Variants in GNG2 observed in about 807,000 individuals in gnomAD.
GNG2 encodes the protein guanine nucleotide-binding protein G(I)/G(S)/G(O) subunit gamma-2.
A neutral mutation model predicts 5.5 loss-of-function variants in GNG2; 5 were observed. The observed-to-expected ratio is 0.91, with a 90% confidence interval of 0.48 to 1.92. GNG2 has a LOEUF of 1.92. Among genes scored for constraint, GNG2 ranks in the 30% most tolerant of loss-of-function variants. The pLI is 0.01. For missense variants in GNG2, 55 were observed against 88.4 expected (o/e 0.62, Z 1.52); for synonymous variants, 28 against 32.0 (o/e 0.88, Z 0.42).
chr14:51,872,736 G>A (rs1883393975), intron 1 of GNG2, among the ~76,000 whole-genome samples: 1 of 152,090 alleles, frequency 6.6e-6, no homozygotes, highest in Admixed American at 6.5e-5. Context: ...GTACATAGAA[G>A]GTCTAAAATG....
At chr14:51,898,841 A>G (rs1296555098) in intron 2 of GNG2, among the ~76,000 whole-genome samples, 1 of 152,178 alleles carries the variant, frequency 6.6e-6, no homozygotes, top group Non-Finnish European at 1.5e-5. Flanking sequence ...TTCTCCCTTC[A>G]GTGCTCCTAC....
intron 2 of GNG2, among the ~76,000 whole-genome samples, chr14:51,903,972 T>C (rs1465503085): frequency 6.6e-6 from 1 of 152,212 alleles, no homozygotes; most frequent in African/African-American, 2.4e-5. Context: ...GTCAGCAGCT[T>C]TGGTGAACTT....
chr14:51,908,575 G>A (rs371999055), intron 2 of GNG2, among the ~76,000 whole-genome samples: 1 of 141,720 alleles, frequency 7.1e-6, no homozygotes, highest in Non-Finnish European at 1.6e-5. Flanking sequence ...TATATATAGA[G>A]AGAGAGAGAG....
chr14:51,838,379 G>T (rs560630502), intron 2 of GNG2, among the ~76,000 whole-genome samples: 2 of 152,164 alleles, frequency 1.3e-5, no homozygotes, highest in East Asian at 1.9e-4. Flanking sequence ...AGGAGGCAAA[G>T]GTTGCAATGA....
intron 1 of GNG2, among the ~76,000 whole-genome samples, chr14:51,873,394 AG>A (rs1566656803): frequency 6.6e-6 from 1 of 152,204 alleles, no homozygotes; most frequent in Admixed American, 6.5e-5. Flanking sequence ...CAAAAGCAAG[AG>A]GGGGAGAGAA....
At chr14:51,886,268 C>A (rs1209555471) in intron 2 of GNG2, among the ~76,000 whole-genome samples, 1 of 152,200 alleles carries the variant, frequency 6.6e-6, no homozygotes, top group Non-Finnish European at 1.5e-5. Flanking sequence ...TCACTGTTCT[C>A]ATAAGTTCTG....
At chr14:51,833,431 ACC>A (rs1881249878) in intron 2 of GNG2, among the ~76,000 whole-genome samples, 1 of 152,128 alleles carries the variant, frequency 6.6e-6, no homozygotes, top group Non-Finnish European at 1.5e-5. Context: ...GTTCTTGGCA[ACC>A]CATTATCTTT....
intron 2 of GNG2, among the ~76,000 whole-genome samples, chr14:51,907,037 G>A (rs1212325284): frequency 6.6e-6 from 1 of 152,148 alleles, no homozygotes; most frequent in African/African-American, 2.4e-5. Flanking sequence ...TTACAGGCAT[G>A]AGCCACCGTG....
intron 2 of GNG2, among the ~76,000 whole-genome samples, chr14:51,896,628 T>C (rs1885209358): frequency 1.3e-5 from 2 of 152,222 alleles, no homozygotes; most frequent in African/African-American, 4.8e-5. Context: ...GTGACTTGTG[T>C]TTGTATGTGT....
chr14:51,894,895 T>C (rs2140167608), intron 2 of GNG2, among the ~76,000 whole-genome samples: 1 of 152,246 alleles, frequency 6.6e-6, no homozygotes, highest in African/African-American at 2.4e-5. Context: ...TTCTTCATAG[T>C]AAACCCATTC....
chr14:51,918,858 CTT>C (rs1016397024), intron 2 of GNG2, among the ~76,000 whole-genome samples: 3 of 152,160 alleles, frequency 2.0e-5, no homozygotes, highest in African/African-American at 7.2e-5. Context: ...GAGTTTTGCT[CTT>C]GTCGCCCACG....
intron 2 of GNG2, among the ~76,000 whole-genome samples, chr14:51,936,823 G>A (rs924642084): frequency 3.3e-4 from 50 of 152,192 alleles, no homozygotes; most frequent in African/African-American, 1.1e-3. Context: ...GATTGTAGGC[G>A]TGAGTCACCA....
intron 1 of GNG2, among the ~76,000 whole-genome samples, chr14:51,875,011 T>C (rs1883562748): frequency 6.6e-6 from 1 of 152,192 alleles, no homozygotes; most frequent in Admixed American, 6.5e-5. Flanking sequence ...TTATTGAAAA[T>C]TTGAAAGAAA....
Position 51,908,206 on chromosome 14 carries a change from G to A in GNG2, c.-30+30549G>A, listed in dbSNP as rs117465994. Among the ~76,000 whole-genome samples, 823 of 152,260 alleles carry A rather than the reference G, an allele frequency of 5.4e-3. 5 individuals carry two copies. Among genetic ancestry groups the A allele is most frequent in the Middle Eastern group, 0.01 (3 of 294 alleles). On this transcript the variant is annotated intron_variant, in intron 2 of 3. Transcript: ENST00000556766. ...CAGGAGGCCTCAGTTTCTCTTGGTC[G>A]GGGCCTCTCCATAGACTGCTCATGA... is the stretch of plus-strand genomic sequence containing the variant.
chr14:51,852,236 C>A (rs1881941300), intron 2 of GNG2, among the ~76,000 whole-genome samples: 1 of 152,184 alleles, frequency 6.6e-6, no homozygotes, highest in African/African-American at 2.4e-5. Flanking sequence ...TACTATAGGA[C>A]TTTGTTAACA....
chr14:51,904,145 C>G (rs139126348), intron 2 of GNG2, among the ~76,000 whole-genome samples: 106 of 152,244 alleles, frequency 7.0e-4, no homozygotes, highest in African/African-American at 2.4e-3. Flanking sequence ...GATGCAAACA[C>G]CACAGCTCAC....
At chr14:51,853,793 T>C (rs78734331) in intron 2 of GNG2, among the ~76,000 whole-genome samples, 1,733 of 152,352 alleles carry the variant, frequency 0.011, 34 homozygotes, top group African/African-American at 0.04. Context: ...TTCCAAGGCT[T>C]TGTGGGTGCA....
rs781725794 is a variant in GNG2, at chr14:51,932,246, CAAAAAAA to C, written c.-29-18384_-29-18378del. The stretch of plus-strand genomic sequence containing the variant: ...TGGGCAACAGAGCAAGACTCTGTCT[CAAAAAAA>C]AAAAAAAAAAAAAAAAAAAGAAAAG... On this transcript the variant is annotated intron_variant, in intron 2 of 3. Transcript: ENST00000556766. 1.4e-3 allele frequency among the ~76,000 whole-genome samples: 32 copies of C among 23,198 alleles called. 1 individual carries two copies. The highest frequency in any genetic ancestry group is 0.012 in the South Asian group (7 of 586). The allele number at this position is 23,198 out of a possible 152,430, so 15.2% of individuals were successfully genotyped here.
Position 51,827,885 on chromosome 14 carries a change from G to A in GNG2, c.64+78G>A, listed in dbSNP as rs1881070474. ...AGTGTTTATTCTCTGAGGGAATGGT[G>A]GAAAGAGTAAAGAGCTTGGAGAGAG... On this transcript the variant is annotated intron_variant, in intron 2 of 3. Coordinates refer to the GNG2 transcript ENST00000553432. The A allele has an allele frequency of 1.9e-5, 12 of 617,426 alleles. No homozygotes were observed. In the South Asian group the frequency reaches 2.1e-4, roughly 11 times the overall value. The allele number at this position is 617,426 out of a possible 1,614,324, so 38.2% of individuals were successfully genotyped here.
Sources: gnomAD v4.1 joint callset for allele counts (sites outside exome capture counted in the v4.1 genomes callset) on GRCh38, gnomAD v4.1.1 for gene constraint, MANE v1.5 for transcripts, NCBI Gene and HGNC (gene_info 2026-07-23, HGNC 2026-07-21) for gene names.